Variants in PWWP3B observed in about 807,000 individuals in gnomAD.
PWWP3B encodes the protein PWWP domain containing 3B, also known as PWWP domain-containing DNA repair factor 3B.
PWWP3B carries 5 observed loss-of-function variants against 15.7 expected under a neutral mutation model. The observed-to-expected ratio is 0.32, with a 90% confidence interval of 0.17 to 0.67. The LOEUF is 0.67. PWWP3B is among the 30% of genes least tolerant of loss of function. The pLI is 0.74. For synonymous variants in PWWP3B, 203 were observed against 179.8 expected (o/e 1.13, Z -1.03); for missense variants, 519 against 493.1 (o/e 1.05, Z -0.50).
In PWWP3B at chrX:106,206,153, T is replaced by G; in HGVS notation, c.721T>G (p.Ser241Ala). Residue 241 changes from serine to alanine, a missense_variant, in exon 4 of 4, where the codon TCA (serine) becomes GCA (alanine). Transcript: ENST00000357175. ...VKDEKFAPPL[S>A]PLSSDMLIMP... is the part of the protein sequence containing the mutation. ...AGATGAAAAGTTTGCTCCACCTTTG[T>G]CACCTTTGTCATCAGATATGCTCAT... 1 of 1,209,763 alleles carries G rather than the reference T, an allele frequency of 8.3e-7. No homozygotes were observed. Among genetic ancestry groups the G allele is most frequent in the Non-Finnish European group, 1.1e-6 (1 of 894,689 alleles).
At chrX:106,194,078 A>G (rs1381782865) in intron 2 of PWWP3B, among the ~76,000 whole-genome samples, 6 of 110,983 alleles carry the variant, frequency 5.4e-5, no homozygotes, top group African/African-American at 2.0e-4. Flanking sequence ...CTGAATTTGA[A>G]TGTTGGCCTG....
chrX:106,197,011 C>T (rs747787969), intron 2 of PWWP3B, among the ~76,000 whole-genome samples: 21 of 111,487 alleles, frequency 1.9e-4, no homozygotes, highest in Admixed American at 8.6e-4. Context: ...CAGTTGACTG[C>T]TGTTATTATC....
intron 2 of PWWP3B, among the ~76,000 whole-genome samples, chrX:106,183,258 C>T (rs1922315414): frequency 8.9e-6 from 1 of 111,852 alleles, no homozygotes; most frequent in Non-Finnish European, 1.9e-5. Context: ...GGTTTTTGTA[C>T]TCCTAGAATT....
intron 2 of PWWP3B, among the ~76,000 whole-genome samples, chrX:106,193,907 C>T (rs1314938002): frequency 1.8e-5 from 2 of 112,411 alleles, no homozygotes; most frequent in African/African-American, 6.5e-5. Flanking sequence ...GCCAAGAGAT[C>T]AGCTGTTAGT....
intron 2 of PWWP3B, among the ~76,000 whole-genome samples, chrX:106,197,230 A>G (rs896509631): frequency 7.2e-5 from 8 of 111,768 alleles, no homozygotes; most frequent in African/African-American, 2.6e-4. Flanking sequence ...CTTTTCATTC[A>G]TGTAAGAACT....
At chrX:106,201,349 C>T (rs1923696717) in intron 2 of PWWP3B, among the ~76,000 whole-genome samples, 1 of 112,223 alleles carries the variant, frequency 8.9e-6, no homozygotes, top group Non-Finnish European at 1.9e-5. Context: ...ATATCCTTAG[C>T]GGTCTATTTT....
At chrX:106,198,331 CAT>C (rs753008209) in intron 2 of PWWP3B, among the ~76,000 whole-genome samples, 9 of 111,452 alleles carry the variant, frequency 8.1e-5, no homozygotes, top group African/African-American at 2.3e-4. Flanking sequence ...TTGAAAATGT[CAT>C]ATAAATGAAA....
At chrX:106,199,256 C>T (rs1309875304) in intron 2 of PWWP3B, among the ~76,000 whole-genome samples, 2 of 110,732 alleles carry the variant, frequency 1.8e-5, no homozygotes, top group African/African-American at 3.3e-5. Context: ...CGGGGTTTCA[C>T]CGTGTTAGCC....
intron 2 of PWWP3B, among the ~76,000 whole-genome samples, chrX:106,196,488 A>G: frequency 9.0e-6 from 1 of 111,616 alleles, no homozygotes; most frequent in South Asian, 3.8e-4. Flanking sequence ...ACTATGCTAA[A>G]TGTCTTTTAT....
intron 2 of PWWP3B, among the ~76,000 whole-genome samples, chrX:106,197,300 C>T: frequency 8.9e-6 from 1 of 111,861 alleles, no homozygotes. Flanking sequence ...CCCTGAGCAG[C>T]AATGGATCTC....
At chrX:106,192,680 G>C (rs1387078790) in intron 2 of PWWP3B, among the ~76,000 whole-genome samples, 5 of 110,983 alleles carry the variant, frequency 4.5e-5, no homozygotes, top group African/African-American at 1.6e-4. Context: ...TGGGCATTTA[G>C]TGCTATAAAT....
chrX:106,191,730 A>C (rs1416677165), intron 2 of PWWP3B, among the ~76,000 whole-genome samples: 2 of 111,227 alleles, frequency 1.8e-5, no homozygotes, highest in Non-Finnish European at 3.8e-5. Flanking sequence ...TACCTAATTT[A>C]TTGAGAGTTT....
chrX:106,193,050 T>C (rs1002838075), intron 2 of PWWP3B, among the ~76,000 whole-genome samples: 1 of 111,847 alleles, frequency 8.9e-6, no homozygotes, highest in Non-Finnish European at 1.9e-5. Flanking sequence ...TGTAGATGTC[T>C]ATTAGGTCCG....
chrX:106,186,356 G>T (rs941301348), intron 2 of PWWP3B, among the ~76,000 whole-genome samples: 4 of 111,295 alleles, frequency 3.6e-5, no homozygotes, highest in African/African-American at 1.3e-4. Flanking sequence ...CAACTCCGAA[G>T]CATTGGGGTT....
chrX:106,195,368 T>A (rs1923311986), intron 2 of PWWP3B, among the ~76,000 whole-genome samples: 1 of 112,030 alleles, frequency 8.9e-6, no homozygotes, highest in African/African-American at 3.2e-5. Context: ...ATTTATTAAT[T>A]TTTTATGGTC....
chrX:106,208,902 T>A lies in PWWP3B; in HGVS notation c.*1379T>A, dbSNP rs1408299997. On this transcript the variant is annotated 3_prime_UTR_variant, in exon 4 of 4. Coordinates refer to ENST00000357175, the MANE Select transcript of PWWP3B (RefSeq NM_001171020.2). ...ACAGTCATATGGCTACACGTTTATG[T>A]AAAGTTTGCAAAAGTTTGGTGTTTT... 8.1e-6 allele frequency: 1 copy of A among 122,965 alleles called. No individual in the cohort carries two copies. Among genetic ancestry groups the A allele is most frequent in the Non-Finnish European group, 1.9e-5 (1 of 53,248 alleles). The allele number at this position is 122,965 out of a possible 1,213,427, so 10.1% of individuals were successfully genotyped here.
intron 2 of PWWP3B, among the ~76,000 whole-genome samples, chrX:106,187,056 T>A (rs753847248): frequency 1.8e-5 from 2 of 112,005 alleles, no homozygotes; most frequent in Non-Finnish European, 3.8e-5. Flanking sequence ...TGGCTTCATC[T>A]CTCAGTGGCA....
intron 2 of PWWP3B, among the ~76,000 whole-genome samples, chrX:106,190,920 C>T (rs1922898721): frequency 1.8e-5 from 2 of 111,252 alleles, no homozygotes; most frequent in African/African-American, 6.6e-5. Flanking sequence ...GTTTTGGTAC[C>T]AGTACCATGC....
chrX:106,179,047 C>T (rs1195993257), intron 2 of PWWP3B, among the ~76,000 whole-genome samples: 5 of 111,869 alleles, frequency 4.5e-5, no homozygotes, highest in African/African-American at 9.7e-5. Context: ...TTCTGTTTCT[C>T]GTCACAAGAT....
Sources: allele counts gnomAD v4.1 joint callset (sites outside exome capture counted in the v4.1 genomes callset), GRCh38; gene constraint gnomAD v4.1.1; transcripts MANE v1.5; gene names NCBI Gene and HGNC (gene_info 2026-07-23, HGNC 2026-07-21).